Variants in CALD1 observed in about 807,000 individuals in gnomAD.
The protein encoded by CALD1 is caldesmon 1, also known as caldesmon.
A neutral mutation model predicts 99.9 loss-of-function variants in CALD1; 33 were observed. That is an observed-to-expected ratio of 0.33 (90% confidence interval 0.25 to 0.44). The LOEUF (loss-of-function observed/expected upper bound fraction) is 0.44. CALD1 is among the 20% of genes least tolerant of loss of function. CALD1 has a pLI of 1.00. For synonymous variants in CALD1, 310 were observed against 325.0 expected (o/e 0.95, Z 0.50); for missense variants, 861 against 962.1 (o/e 0.89, Z 1.39).
chr7:134,858,823 C>T (rs1800434196), intron 2 of CALD1, among the ~76,000 whole-genome samples: 1 of 152,194 alleles, frequency 6.6e-6, no homozygotes, highest in African/African-American at 2.4e-5. Context: ...CTGCCTCGGC[C>T]TCCCAAAGTG....
intron 1 of CALD1, among the ~76,000 whole-genome samples, chr7:134,830,885 T>A (rs937572596): frequency 1.3e-5 from 2 of 152,184 alleles, no homozygotes; most frequent in Non-Finnish European, 2.9e-5. Flanking sequence ...TCTCCAGTGG[T>A]GTATGTGGAA....
At chr7:134,854,781 G>A (rs902909616) in intron 2 of CALD1, among the ~76,000 whole-genome samples, 18 of 152,244 alleles carry the variant, frequency 1.2e-4, no homozygotes, top group African/African-American at 4.3e-4. Flanking sequence ...TCTGGCCCAC[G>A]AAGCTATCTG....
intron 3 of CALD1, among the ~76,000 whole-genome samples, chr7:134,869,478 G>A (rs1335974769): frequency 1.3e-5 from 2 of 152,010 alleles, no homozygotes; most frequent in Admixed American, 6.5e-5. Context: ...TCAGGTCAGT[G>A]AGTATGGAAA....
the CALD1 span, among the ~76,000 whole-genome samples, chr7:134,723,805 C>G: frequency 1.2e-4 from 18 of 152,004 alleles, no homozygotes; most frequent in Non-Finnish European, 2.2e-4. Flanking sequence ...GTCCATAGTG[C>G]TGAGGTTGAG....
intron 1 of CALD1, among the ~76,000 whole-genome samples, chr7:134,795,339 T>C (rs780069515): frequency 5.3e-5 from 8 of 152,192 alleles, no homozygotes; most frequent in Non-Finnish European, 1.0e-4. Flanking sequence ...CTGATGGTTT[T>C]ATACAGGGGA....
intron 3 of CALD1, among the ~76,000 whole-genome samples, chr7:134,876,400 GA>G (rs1229716153): frequency 1.3e-5 from 2 of 152,212 alleles, no homozygotes; most frequent in Non-Finnish European, 2.9e-5. Flanking sequence ...TATTGATTAG[GA>G]AAATAAAGCA....
intron 2 of CALD1, among the ~76,000 whole-genome samples, chr7:134,844,949 T>C (rs937914871): frequency 1.3e-5 from 2 of 152,214 alleles, no homozygotes; most frequent in Non-Finnish European, 2.9e-5. Context: ...TGCGGTTACA[T>C]TCTGAGATCC....
At chr7:134,765,892 G>A (rs1182366519) in intron 1 of CALD1, among the ~76,000 whole-genome samples, 1 of 152,118 alleles carries the variant, frequency 6.6e-6, no homozygotes, top group Non-Finnish European at 1.5e-5. Context: ...TCTTAGTGCT[G>A]TCCTCAGGAT....
chr7:134,817,918 T>C (rs1000345339), intron 1 of CALD1, among the ~76,000 whole-genome samples: 3 of 152,198 alleles, frequency 2.0e-5, no homozygotes, highest in Non-Finnish European at 4.4e-5. Flanking sequence ...GCAACAAGAT[T>C]TAGAATTTTC....
chr7:134,922,546 T>A (rs1001483237), intron 3 of CALD1, among the ~76,000 whole-genome samples: 2 of 152,080 alleles, frequency 1.3e-5, no homozygotes, highest in Non-Finnish European at 2.9e-5. Context: ...GAGATGAAAA[T>A]AAGAATTTTG....
At chr7:134,840,628 T>A (rs1004018487) in intron 1 of CALD1, among the ~76,000 whole-genome samples, 1 of 152,166 alleles carries the variant, frequency 6.6e-6, no homozygotes, top group African/African-American at 2.4e-5. Context: ...TAAAGAAAAA[T>A]GTTGTGTAGA....
Position 134,933,006 on chromosome 7 carries a change from C to T in CALD1, c.237C>T (p.Ala79=). The change falls in exon 5 of 15, where the codon GCC becomes GCT. Residue 79 remains alanine (A), a synonymous_variant. Transcript: ENST00000361675. The part of the protein sequence containing the change: ...NAQNSVPDEE[A]KTTTTNTQVE... The stretch of plus-strand genomic sequence containing the variant: ...TGTACAGTGTGCCTGACGAGGAGGC[C>T]AAGACAACCACCACAAACACTCAAG... The T allele has an allele frequency of 6.2e-7, 1 of 1,609,240 alleles. No homozygotes were observed. The highest frequency in any genetic ancestry group is 8.5e-7 in the Non-Finnish European group (1 of 1,177,814).
intron 3 of CALD1, among the ~76,000 whole-genome samples, chr7:134,927,531 G>A (rs1805120884): frequency 9.1e-6 from 1 of 110,464 alleles, no homozygotes; most frequent in Admixed American, 1.3e-4. Context: ...TGGCCTGGGT[G>A]ACAGAGTTAG....
chr7:134,912,472 A>G (rs1803886125), intron 3 of CALD1, among the ~76,000 whole-genome samples: 1 of 152,210 alleles, frequency 6.6e-6, no homozygotes, highest in Non-Finnish European at 1.5e-5. Flanking sequence ...CGGAGAGGAC[A>G]CTAATGCTTG....
intron 1 of CALD1, among the ~76,000 whole-genome samples, chr7:134,817,102 C>T (rs953385196): frequency 6.6e-5 from 10 of 152,182 alleles, no homozygotes; most frequent in South Asian, 2.1e-4. Flanking sequence ...TTTATCTCTG[C>T]TATTCTCCTT....
rs11983893 is a variant in CALD1, at chr7:134,967,081, C to T, written c.2377-1259C>T. 1.1e-3 allele frequency among the ~76,000 whole-genome samples: 163 copies of T among 152,206 alleles called. 1 individual carries two copies. The highest frequency in any genetic ancestry group is 3.3e-3 in the African/African-American group (137 of 41,534). On this transcript the variant is annotated intron_variant, in intron 14 of 14. Transcript: ENST00000361675. ...CCATAGACCATCATCACCAGTATAA[C>T]GGAGTCTCTCTGGATAACATTCCTC...
chr7:134,795,729 G>C (rs762636152), intron 1 of CALD1, among the ~76,000 whole-genome samples: 4 of 151,772 alleles, frequency 2.6e-5, no homozygotes, highest in Non-Finnish European at 4.4e-5. Flanking sequence ...GGGCAGCCTT[G>C]TGCTTTATCC....
At chr7:134,965,503 C>A in intron 14 of CALD1, 117 bp downstream of exon 14, 1 of 681,328 alleles carries the variant, frequency 1.5e-6, no homozygotes, top group Non-Finnish European at 2.7e-6. Flanking sequence ...GCCTGCACAC[C>A]CATCAGTGTC....
chr7:134,839,901 A>G (rs996796890), intron 1 of CALD1, among the ~76,000 whole-genome samples: 6 of 152,092 alleles, frequency 3.9e-5, no homozygotes, highest in Non-Finnish European at 7.4e-5. Flanking sequence ...TCTTTTGTGA[A>G]ATGCCTGTTG....
Sources: gnomAD v4.1 joint callset for allele counts (sites outside exome capture counted in the v4.1 genomes callset) on GRCh38, gnomAD v4.1.1 for gene constraint, MANE v1.5 for transcripts, NCBI Gene and HGNC (gene_info 2026-07-23, HGNC 2026-07-21) for gene names.